The following CELSR3 variants were observed in gnomAD, a reference collection of about 807,000 sequenced individuals.
CELSR3 encodes cadherin EGF LAG seven-pass G-type receptor 3.
CELSR3 carries 73 observed loss-of-function variants against 270.0 expected under a neutral mutation model. The ratio of observed to expected loss-of-function variants is 0.27; its 90% CI spans 0.22 to 0.33. The LOEUF (loss-of-function observed/expected upper bound fraction) is 0.33. Ranked by LOEUF, CELSR3 falls within the 10% of genes least tolerant of loss-of-function variation. The pLI is 1.00. For synonymous variants in CELSR3, 1,780 were observed against 1,905.4 expected, an observed-to-expected ratio of 0.93 and a Z score of 1.71; for missense variants, 3,614 against 4,533.8, an observed-to-expected ratio of 0.80 and a Z score of 5.83.
rs770578230 is a variant in CELSR3, at chr3:48,646,721, T to C, written c.7295+42A>G. ...CCCACCAAAAAAGGGGCTGCCAGGCTGAGAAGTTCGTAGGAAGCTCAGGGG... is the reference window on the plus strand; with the variant it reads ...CCCACCAAAAAAGGGGCTGCCAGGCCGAGAAGTTCGTAGGAAGCTCAGGGG... On this transcript the variant is annotated intron_variant, in intron 21 of 34. Transcript: ENST00000164024. This position sits in a 1 kb window ranked among gnomAD's most constrained non-coding sequence, Gnocchi z 4.8. 8 of 1,580,204 alleles carry C rather than the reference T, an allele frequency of 5.1e-6. No homozygotes were observed. In the Admixed American group the frequency reaches 1.5e-4, roughly 30 times the overall value.
chr3:48,660,694 G>T lies in CELSR3; in HGVS notation c.1941C>A (p.His647Gln). The change falls in exon 1 of 35, where the codon CAC (histidine) becomes CAA (glutamine). Residue 647 changes from histidine to glutamine, a missense_variant. His to Gln is a conservative substitution (Grantham distance 24). Transcript: ENST00000164024. This position sits in a 1 kb window ranked among gnomAD's most constrained non-coding sequence, Gnocchi z 5.5. The stretch of plus-strand genomic sequence containing the variant: ...AGGGCGTGCTGACAAAAATAGGAAT[G>T]TGGTCATTGATGTCCACCACCTGGA... ...ASIQVVDIND[H>Q]IPIFVSTPFQ... The T allele has an allele frequency of 6.2e-7, 1 of 1,614,116 alleles. No homozygotes were observed. Among genetic ancestry groups the T allele is most frequent in the Non-Finnish European group, 8.5e-7 (1 of 1,180,046 alleles).
Position 48,661,499 on chromosome 3 carries a change from T to C in CELSR3, c.1136A>G (p.Asp379Gly). ...CGTACGGATAAGGCCGCTCTGCGGG[T>C]CGATGCTGAACAGCTCCAGCGAGCG... Reference protein sequence around the residue: ...NSRSLELFSIDPQSGLIRTAA... With the variant: ...NSRSLELFSIGPQSGLIRTAA... Residue 379 changes from aspartate to glycine, a missense_variant, in exon 1 of 35, where the codon GAC becomes GGC. This residue lies in a region of CELSR3 where 354 missense variants were observed against 500.9 expected (regional missense o/e 0.71). Coordinates refer to ENST00000164024, the MANE Select transcript of CELSR3 (RefSeq NM_001407.3). 1 of 1,603,118 alleles carries C rather than the reference T, an allele frequency of 6.2e-7. No individual in the cohort carries two copies. The highest frequency in any genetic ancestry group is 8.5e-7 in the Non-Finnish European group (1 of 1,174,882).
chr3:48,657,494 G>A lies in CELSR3; in HGVS notation c.3749-146C>T. The A allele has an allele frequency of 1.2e-6, 1 of 830,492 alleles. No individual in the cohort carries two copies. The highest frequency in any genetic ancestry group is 1.8e-6 in the Non-Finnish European group (1 of 549,008). 51.4% of individuals were successfully genotyped at this position (830,492 alleles called of 1,614,324 possible). A position where few individuals can be genotyped will look rare whatever the true frequency, so the allele number is the denominator to read the frequency against. ...CCCCACCAGGACACAAGGGAGTCTG[G>A]GGCTAGTGACCACCAGCTCCCCCAG... On this transcript the variant is annotated intron_variant, in intron 1 of 34. Coordinates refer to ENST00000164024, the MANE Select transcript of CELSR3 (RefSeq NM_001407.3). This position sits in a 1 kb window ranked among gnomAD's most constrained non-coding sequence, Gnocchi z 5.4.
rs2047019297 is a variant in CELSR3 at position 48,640,801 on chromosome 3, C to T, written c.9026-242G>A. 1.8e-6 allele frequency: 1 copy of T among 565,798 alleles called. No individual in the cohort carries two copies. Among genetic ancestry groups the T allele is most frequent in the African/African-American group, 1.9e-5 (1 of 52,864 alleles). 35.0% of individuals were successfully genotyped at this position (565,798 alleles called of 1,614,324 possible). ...CGGGGCAGGGGGAGGGCGGGCAGGTCTCATGGTGCAGGGGATGGGGCAAAC... is the reference window on the plus strand; with the variant it reads ...CGGGGCAGGGGGAGGGCGGGCAGGTTTCATGGTGCAGGGGATGGGGCAAAC... On this transcript the variant is annotated intron_variant, in intron 33 of 34. Transcript: ENST00000164024. The surrounding 1 kb of genome is among the most constrained non-coding windows in gnomAD (Gnocchi z 7.5).
At chr3:48,656,394 T>TCACGCC (rs2077022454) in intron 2 of CELSR3, 29 bp from the exon 3 acceptor site, 2 of 1,391,818 alleles carry the variant, frequency 1.4e-6, no homozygotes, top group Non-Finnish European at 1.8e-6. Context: ...TCAGAGGCGG[T>TCACGCC]CACGCCCACG....
Position 48,639,995 on chromosome 3 carries a change from C to G in CELSR3, c.9590G>C (p.Ser3197Thr), listed in dbSNP as rs745797597. The G allele has an allele frequency of 1.2e-6, 2 of 1,612,486 alleles. No individual in the cohort carries two copies. The highest frequency in any genetic ancestry group is 2.7e-5 in the African/African-American group (2 of 74,924). ...GTCCAGCTGCTCCCGAGAGTTCGAGCTCCTAGACAGAGAGTCCAGCGGCCG... is the reference window on the plus strand; with the variant it reads ...GTCCAGCTGCTCCCGAGAGTTCGAGGTCCTAGACAGAGAGTCCAGCGGCCG... The part of the protein sequence containing the change: ...PSRPLDSLSR[S>T]SNSREQLDQV... Residue 3197 changes from serine to threonine, a missense_variant, in exon 34 of 35, where the codon AGC becomes ACC. Ser to Thr is a moderately conservative substitution (Grantham distance 58). Around this residue, in one of 7 missense-constraint regions of CELSR3, gnomAD observed 1,240 missense variants for 1,351.7 expected, o/e 0.92. Coordinates refer to ENST00000164024, the MANE Select transcript of CELSR3 (RefSeq NM_001407.3). The surrounding 1 kb of genome is among the most constrained non-coding windows in gnomAD (Gnocchi z 4.1).
chr3:48,646,327 T>C lies in CELSR3; in HGVS notation c.7296-70A>G, dbSNP rs1363860998. The C allele has an allele frequency of 1.3e-6, 2 of 1,491,020 alleles. No homozygotes were observed. The highest frequency in any genetic ancestry group is 1.8e-6 in the Non-Finnish European group (2 of 1,104,440). The allele number at this position is 1,491,020 out of a possible 1,614,324, so 92.4% of individuals were successfully genotyped here. ...TGCTCAGCCTGCTTGCCTCACCCCGTCTTCATGCCACTCGCCAGGGCTGAC... is the reference window on the plus strand; with the variant it reads ...TGCTCAGCCTGCTTGCCTCACCCCGCCTTCATGCCACTCGCCAGGGCTGAC... On this transcript the variant is annotated intron_variant, in intron 21 of 34. Coordinates refer to ENST00000164024, the MANE Select transcript of CELSR3 (RefSeq NM_001407.3). The surrounding 1 kb of genome is among the most constrained non-coding windows in gnomAD (Gnocchi z 4.8).
At position 48,657,433 on chromosome 3, in the gene CELSR3, G is replaced by A. The variant is rs2077032914; in HGVS notation, c.3749-85C>T. 1.5e-6 allele frequency: 2 copies of A among 1,375,214 alleles called. No individual in the cohort carries two copies. Among genetic ancestry groups the A allele is most frequent in the Non-Finnish European group, 1.9e-6 (2 of 1,040,660 alleles). The allele number at this position is 1,375,214 out of a possible 1,614,324, so 85.2% of individuals were successfully genotyped here. On this transcript the variant is annotated intron_variant, in intron 1 of 34. Coordinates refer to ENST00000164024, the MANE Select transcript of CELSR3 (RefSeq NM_001407.3). This position sits in a 1 kb window ranked among gnomAD's most constrained non-coding sequence, Gnocchi z 5.4. The stretch of plus-strand genomic sequence containing the variant: ...CACAAGAGGGCTGGGGCCAGCGATA[G>A]CCTAGGCCCCCAGAACCTCTAAGTC...
rs1284822112 is a variant in CELSR3, at chr3:48,642,856, A to G, written c.8435T>C (p.Leu2812Pro). Residue 2812 changes from leucine (L) to proline (P), a missense_variant, in exon 30 of 35, where the codon CTC (leucine) becomes CCC (proline). Physicochemically the swap from Leu to Pro is moderately conservative, Grantham distance 98. Transcript: ENST00000164024. This position sits in a 1 kb window ranked among gnomAD's most constrained non-coding sequence, Gnocchi z 6.1. ...GCGGATGAGGCCACTCTCCTCAAAG[A>G]GAGCCGTGTTGTTGTAGGCCCCAGG... ...LGPGAYNNTA[L>P]FEESGLIRIT... is the part of the protein sequence containing the mutation. The G allele has an allele frequency of 1.9e-6, 3 of 1,613,236 alleles. No homozygotes were observed. The highest frequency in any genetic ancestry group is 2.5e-6 in the Non-Finnish European group (3 of 1,179,950).
Position 48,662,482 on chromosome 3 carries a change from C to T in CELSR3, c.153G>A (p.Gly51=), listed in dbSNP as rs769452932. The change falls in exon 1 of 35, where the codon GGG becomes GGA. Residue 51 remains glycine (G), a synonymous_variant. Transcript: ENST00000164024. The surrounding 1 kb of genome is among the most constrained non-coding windows in gnomAD (Gnocchi z 7.1). ...CTCCGCCACCGATATGCGCCCTTGG[C>T]CCCGTAGTGGCAGCTAAGCCTGGGT... ...GWDPGLAATT[G]PRAHIGGGAL... 7 of 1,612,552 alleles carry T rather than the reference C, an allele frequency of 4.3e-6. No homozygotes were observed. The African/African-American group carries it at 8.0e-5, about 18-fold the overall frequency.
Position 48,657,284 on chromosome 3 carries a change from C to T in CELSR3, c.3813G>A (p.Leu1271=), listed in dbSNP as rs757195787. 11 of 1,611,486 alleles carry T rather than the reference C, an allele frequency of 6.8e-6. No homozygotes were observed. In the South Asian group the frequency reaches 8.8e-5, roughly 13 times the overall value. Residue 1271 remains leucine (L), a synonymous_variant, in exon 2 of 35, where the codon CTG becomes CTA. Coordinates refer to ENST00000164024, the MANE Select transcript of CELSR3 (RefSeq NM_001407.3). The surrounding 1 kb of genome is among the most constrained non-coding windows in gnomAD (Gnocchi z 5.4). ...LRVVIITEEL[L]ANSLTVRLEN... The stretch of plus-strand genomic sequence containing the variant: ...CAAGGCGCACGGTCAGGCTGTTGGC[C>T]AGCAACTCCTCCGTGATGATGACCA...
rs544503876 is a variant in CELSR3 at position 48,649,409 on chromosome 3, G to A, written c.6473-194C>T. On this transcript the variant is annotated intron_variant, in intron 16 of 34. Coordinates refer to ENST00000164024, the MANE Select transcript of CELSR3 (RefSeq NM_001407.3). ...CTGCTTGTCAGGCAATTCCTGAGAG[G>A]GCTGTAGACCATTCTCAACCAGCAA... Among the ~76,000 whole-genome samples, 6 of 152,340 alleles carry A rather than the reference G, an allele frequency of 3.9e-5. No individual in the cohort carries two copies. In the South Asian group the frequency reaches 1.0e-3, roughly 26 times the overall value.
rs1198844118 is a variant in CELSR3, at chr3:48,638,035, T to C, written c.*170A>G. 1 of 610,808 alleles carries C rather than the reference T, an allele frequency of 1.6e-6. No homozygotes were observed. Among genetic ancestry groups the C allele is most frequent in the Non-Finnish European group, 3.0e-6 (1 of 330,622 alleles). The allele number at this position is 610,808 out of a possible 1,614,324, so 37.8% of individuals were successfully genotyped here. A position where few individuals can be genotyped will look rare whatever the true frequency, so the allele number is the denominator to read the frequency against. On this transcript the variant is annotated 3_prime_UTR_variant, in exon 35 of 35. Coordinates refer to ENST00000164024, the MANE Select transcript of CELSR3 (RefSeq NM_001407.3). The stretch of plus-strand genomic sequence containing the variant: ...CCCGTCTCTGCACCTGTCACACGCA[T>C]GCTCACAGATGCACATGGAGCCTCA...
Position 48,650,687 on chromosome 3 carries a change from C to T in CELSR3, c.6371-106G>A. On this transcript the variant is annotated intron_variant, in intron 15 of 34. Coordinates refer to ENST00000164024, the MANE Select transcript of CELSR3 (RefSeq NM_001407.3). The surrounding 1 kb of genome is among the most constrained non-coding windows in gnomAD (Gnocchi z 5.1). ...CCCACAAGGCCCACTGCCCGCCACT[C>T]CTGCTGGCTTCTCAGGAGCTGACCT... The T allele has an allele frequency of 1.9e-6, 2 of 1,079,068 alleles. No individual in the cohort carries two copies. Among genetic ancestry groups the T allele is most frequent in the Non-Finnish European group, 1.3e-6 (1 of 749,610 alleles). 66.8% of individuals were successfully genotyped at this position (1,079,068 alleles called of 1,614,324 possible).
Position 48,653,180 on chromosome 3 carries a change from C to T in CELSR3, c.5456G>A (p.Arg1819Gln), listed in dbSNP as rs1300631522. Residue 1819 changes from arginine (R) to glutamine (Q), a missense_variant, in exon 10 of 35, where the codon CGG (arginine) becomes CAG (glutamine). Arg to Gln is a conservative substitution (Grantham distance 43). This residue lies in a region of CELSR3 where 1,331 missense variants were observed against 1,933.7 expected (regional missense o/e 0.69). Transcript: ENST00000164024. The surrounding 1 kb of genome is among the most constrained non-coding windows in gnomAD (Gnocchi z 6.5). ...GGTCACTGTCACAGACAGTAACCCCCGATCTAGCTGTGGGCAGAGATGCAT... is the reference window on the plus strand; with the variant it reads ...GGTCACTGTCACAGACAGTAACCCCTGATCTAGCTGTGGGCAGAGATGCAT... The part of the protein sequence containing the change: ...PHSTLLCQLD[R>Q]GLLSVTVTRG... The T allele has an allele frequency of 6.2e-6, 10 of 1,613,026 alleles. No homozygotes were observed. Among genetic ancestry groups the T allele is most frequent in the Admixed American group, 1.7e-5 (1 of 60,006 alleles).
In CELSR3 at chr3:48,640,345, C is replaced by G; in HGVS notation, c.9240G>C (p.Leu3080=). Residue 3080 remains leucine (L), a synonymous_variant, in exon 34 of 35, where the codon CTG becomes CTC. Coordinates refer to ENST00000164024, the MANE Select transcript of CELSR3 (RefSeq NM_001407.3). This position sits in a 1 kb window ranked among gnomAD's most constrained non-coding sequence, Gnocchi z 7.5. ...EQLDLLLRRQ[L]SRERLEEAPA... is the part of the protein sequence containing the mutation. ...GGGCTTCCTCTAGTCGCTCACGGCT[C>G]AGTTGCCGCCGGAGGAGCAGGTCCA... 2 of 1,612,540 alleles carry G rather than the reference C, an allele frequency of 1.2e-6. No homozygotes were observed. Among genetic ancestry groups the G allele is most frequent in the Non-Finnish European group, 1.7e-6 (2 of 1,179,862 alleles).
chr3:48,651,436 A>G lies in CELSR3; in HGVS notation c.6109T>C (p.Cys2037Arg). 1 of 1,613,998 alleles carries G rather than the reference A, an allele frequency of 6.2e-7. No individual in the cohort carries two copies. Among genetic ancestry groups the G allele is most frequent in the Non-Finnish European group, 8.5e-7 (1 of 1,179,962 alleles). The change falls in exon 14 of 35, where the codon TGT (cysteine) becomes CGT (arginine). Residue 2037 changes from cysteine to arginine, a missense_variant. Cys to Arg is a radical substitution (Grantham distance 180). Transcript: ENST00000164024. This position sits in a 1 kb window ranked among gnomAD's most constrained non-coding sequence, Gnocchi z 7.4. ...TGAACATCACAGTTGCAGGGGCCAC[A>G]GGTTGGGCTCCCCCACCAGCCCCGT... Reference protein sequence around the residue: ...CPRGWWGSPTCGPCNCDVHKG... With the variant: ...CPRGWWGSPTRGPCNCDVHKG...
rs1444858684 is a variant in CELSR3, at chr3:48,650,595, A to T, written c.6371-14T>A. The T allele has an allele frequency of 1.3e-6, 2 of 1,590,886 alleles. No individual in the cohort carries two copies. Among genetic ancestry groups the T allele is most frequent in the African/African-American group, 2.7e-5 (2 of 73,306 alleles). ...CATCATAGAGCACTAGAGAGAGAAG[A>T]GGTGCTGAGCCAGGCAGTCAGGGTA... is the stretch of plus-strand genomic sequence containing the variant. On this transcript the variant is annotated splice_polypyrimidine_tract_variant and intron_variant, in intron 15 of 34. Coordinates refer to ENST00000164024, the MANE Select transcript of CELSR3 (RefSeq NM_001407.3). The surrounding 1 kb of genome is among the most constrained non-coding windows in gnomAD (Gnocchi z 5.1).
rs761096075 is a variant in CELSR3, at chr3:48,660,969, C to T, written c.1666G>A (p.Glu556Lys). The change falls in exon 1 of 35, where the codon GAG becomes AAG. Residue 556 changes from glutamate to lysine, a missense_variant. This residue lies in a region of CELSR3 where 354 missense variants were observed against 500.9 expected (regional missense o/e 0.71). Coordinates refer to ENST00000164024, the MANE Select transcript of CELSR3 (RefSeq NM_001407.3). This position sits in a 1 kb window ranked among gnomAD's most constrained non-coding sequence, Gnocchi z 5.5. ...SEKRYVAQVR[E>K]DVRPHTVVLR... ...ACGACTGTGTGGGGGCGCACATCCT[C>T]GCGCACCTGCGCCACGTAGCGCTTC... 2 of 1,613,910 alleles carry T rather than the reference C, an allele frequency of 1.2e-6. No homozygotes were observed. The highest frequency in any genetic ancestry group is 1.7e-6 in the Non-Finnish European group (2 of 1,180,040).
Sources: gnomAD v4.1 joint callset for allele counts (sites outside exome capture counted in the v4.1 genomes callset) on GRCh38, gnomAD v4.1.1 for gene constraint, gnomAD v4.1.1 regional missense constraint, Gnocchi (gnomAD v3.1) non-coding constraint, MANE v1.5 for transcripts, NCBI Gene and HGNC (gene_info 2026-07-23, HGNC 2026-07-21) for gene names.